Variants in PKIB observed in about 807,000 individuals in gnomAD.
The protein encoded by PKIB is PKI-beta.
A neutral mutation model predicts 4.5 loss-of-function variants in PKIB; 2 were observed. That is an observed-to-expected ratio of 0.44 (90% CI 0.18 to 1.39). The LOEUF (loss-of-function observed/expected upper bound fraction) is 1.39. Ranked by LOEUF, PKIB falls within the 40% of genes most tolerant of loss-of-function variation. The pLI is 0.27. For missense variants in PKIB, 94 were observed against 92.6 expected, an observed-to-expected ratio of 1.02 and a Z score of -0.06; for synonymous variants, 38 against 36.0, an observed-to-expected ratio of 1.06 and a Z score of -0.20.
intron 1 of PKIB, among the ~76,000 whole-genome samples, chr6:122,618,625 TATC>T (rs1167127727): frequency 6.6e-6 from 1 of 152,026 alleles, no homozygotes; most frequent in Non-Finnish European, 1.5e-5. Flanking sequence ...GACAAAAAAT[TATC>T]ATATCATATT....
intron 3 of PKIB, among the ~76,000 whole-genome samples, chr6:122,708,144 T>C (rs1779136340): frequency 6.6e-6 from 1 of 152,044 alleles, no homozygotes; most frequent in South Asian, 2.1e-4. Flanking sequence ...ACAACTGCAA[T>C]CATAAGTAAA....
intron 3 of PKIB, among the ~76,000 whole-genome samples, chr6:122,702,283 T>C (rs1326510701): frequency 6.6e-6 from 1 of 151,404 alleles, no homozygotes. Flanking sequence ...GGAAAACACC[T>C]TAACCCCATT....
chr6:122,517,262 A>G (rs113959702), intron 2 of PKIB, among the ~76,000 whole-genome samples: 4 of 152,256 alleles, frequency 2.6e-5, no homozygotes, highest in African/African-American at 9.6e-5. Flanking sequence ...CCTTGTACTC[A>G]CCTTCAGGCA....
chr6:122,605,026 T>C (rs1029850304), intron 3 of PKIB, among the ~76,000 whole-genome samples: 4 of 152,228 alleles, frequency 2.6e-5, no homozygotes, highest in Admixed American at 1.3e-4. Context: ...CCTTGGTGAA[T>C]GTGGGTCTGT....
intron 2 of PKIB, among the ~76,000 whole-genome samples, chr6:122,571,494 G>A (rs1773366446): frequency 6.6e-6 from 1 of 152,144 alleles, no homozygotes; most frequent in Non-Finnish European, 1.5e-5. Flanking sequence ...TGGTAGCTGT[G>A]AGACAAAAGC....
At chr6:122,535,526 C>T (rs1290029938) in intron 2 of PKIB, among the ~76,000 whole-genome samples, 1 of 152,170 alleles carries the variant, frequency 6.6e-6, no homozygotes, top group Non-Finnish European at 1.5e-5. Context: ...ATTCCAACCA[C>T]AGTCTGTCCA....
intron 2 of PKIB, among the ~76,000 whole-genome samples, chr6:122,492,361 A>T (rs777627549): frequency 2.2e-4 from 34 of 152,158 alleles, no homozygotes; most frequent in South Asian, 4.1e-4. Flanking sequence ...TGAGCTTCTT[A>T]GGGAACGTGT....
At position 122,613,863 on chromosome 6, in the gene PKIB, C is replaced by A. The variant is rs573912145; in HGVS notation, c.-161+3328C>A. On this transcript the variant is annotated intron_variant, in intron 1 of 4. Coordinates refer to ENST00000368452, the MANE Select transcript of PKIB (RefSeq NM_181795.3). Reference sequence around the variant, plus strand: ...CTGTAGTCCCAGCTATTTGGGAGGCCGAGGTAGGAGTATCGCTTGAACCCA... The same window carrying A: ...CTGTAGTCCCAGCTATTTGGGAGGCAGAGGTAGGAGTATCGCTTGAACCCA... Among the ~76,000 whole-genome samples the A allele has an allele frequency of 2.9e-4, 42 of 146,526 alleles. 1 individual carries two copies. The highest frequency in any genetic ancestry group is 7.4e-3 in the Middle Eastern group (2 of 272).
At chr6:122,473,687 A>G (rs1775372067) in intron 1 of PKIB, among the ~76,000 whole-genome samples, 1 of 152,192 alleles carries the variant, frequency 6.6e-6, no homozygotes, top group African/African-American at 2.4e-5. Context: ...TGACTTTTTC[A>G]AATTTCAACC....
At position 122,725,394 on chromosome 6, in the gene PKIB, G is replaced by A; in HGVS notation, c.*199G>A. 1 of 542,092 alleles carries A rather than the reference G, an allele frequency of 1.8e-6. No homozygotes were observed. Among genetic ancestry groups the A allele is most frequent in the South Asian group, 3.1e-5 (1 of 31,888 alleles). The allele number at this position is 542,092 out of a possible 1,614,324, so 33.6% of individuals were successfully genotyped here. ...TCCAAGGTAAGCTATTAAAAGGCAG[G>A]TTACTTCCAAATCGCACTGAAGGAA... On this transcript the variant is annotated 3_prime_UTR_variant, in exon 5 of 5. Transcript: ENST00000368452.
At chr6:122,481,991 C>G (rs1410167875) in intron 2 of PKIB, 1 of 143,994 alleles carries the variant, frequency 6.9e-6, no homozygotes, top group Non-Finnish European at 1.5e-5. Context: ...GGCGGAGTCT[C>G]GCGGTAGCCC....
At chr6:122,620,437 C>T (rs1011326668) in intron 1 of PKIB, among the ~76,000 whole-genome samples, 6 of 152,214 alleles carry the variant, frequency 3.9e-5, no homozygotes, top group Non-Finnish European at 7.3e-5. Context: ...AGAATTCTCT[C>T]TTGGTTTCTT....
At chr6:122,613,765 A>G (rs1162480268) in intron 1 of PKIB, among the ~76,000 whole-genome samples, 1 of 151,880 alleles carries the variant, frequency 6.6e-6, no homozygotes, top group South Asian at 2.1e-4. Flanking sequence ...AGAGGTAGAG[A>G]CCATCCTAGC....
At chr6:122,546,748 ATAT>A (rs959162057) in intron 2 of PKIB, among the ~76,000 whole-genome samples, 1 of 152,100 alleles carries the variant, frequency 6.6e-6, no homozygotes, top group Admixed American at 6.6e-5. Flanking sequence ...GAGTAGACAA[ATAT>A]TATTTTTTAA....
At chr6:122,551,125 C>G (rs774718022) in intron 2 of PKIB, among the ~76,000 whole-genome samples, 3 of 151,828 alleles carry the variant, frequency 2.0e-5, no homozygotes, top group Admixed American at 6.6e-5. Context: ...TTTCATCTCT[C>G]TTGTTAGCAC....
At chr6:122,492,020 G>A (rs183818009) in intron 2 of PKIB, among the ~76,000 whole-genome samples, 1 of 152,222 alleles carries the variant, frequency 6.6e-6, no homozygotes, top group Admixed American at 6.5e-5. Context: ...GATTAGTTAC[G>A]CAGATATTTC....
At chr6:122,701,540 T>C in intron 3 of PKIB, 4 of 1,583,620 alleles carry the variant, frequency 2.5e-6, no homozygotes, top group Non-Finnish European at 3.4e-6. Context: ...GACAAGAGCA[T>C]TGCAGAGTTA....
At chr6:122,686,566 T>C (rs1778099459) in intron 3 of PKIB, among the ~76,000 whole-genome samples, 1 of 152,034 alleles carries the variant, frequency 6.6e-6, no homozygotes, top group Non-Finnish European at 1.5e-5. Context: ...GGCATGATCA[T>C]GGCTCGCTGC....
At chr6:122,602,449 A>G (rs745359994) in intron 3 of PKIB, among the ~76,000 whole-genome samples, 1 of 152,256 alleles carries the variant, frequency 6.6e-6, no homozygotes, top group Non-Finnish European at 1.5e-5. Context: ...TGTTGATGCC[A>G]GAGATTGTAT....
Sources: gnomAD v4.1 joint callset for allele counts (sites outside exome capture counted in the v4.1 genomes callset) on GRCh38, gnomAD v4.1.1 for gene constraint, MANE v1.5 for transcripts, NCBI Gene and HGNC (gene_info 2026-07-23, HGNC 2026-07-21) for gene names.